The following KIRREL3 variants were observed in gnomAD, a reference collection of about 807,000 sequenced individuals.
KIRREL3 encodes kin of IRRE-like protein 3.
KIRREL3 carries 36 observed loss-of-function variants against 89.7 expected under a neutral mutation model. That is an observed-to-expected ratio of 0.40 (90% CI 0.31 to 0.53). KIRREL3 has a LOEUF of 0.53. KIRREL3 is among the 20% of genes least tolerant of loss of function. The probability of loss-of-function intolerance (pLI) is 0.49; values close to 1 mark genes in which losing one functional copy is unlikely to be tolerated. For synonymous variants in KIRREL3, 445 were observed against 441.4 expected, an observed-to-expected ratio of 1.01 and a Z score of -0.10; for missense variants, 864 against 1,056.6, an observed-to-expected ratio of 0.82 and a Z score of 2.53.
chr11:126,629,166 G>T, intron 1 of KIRREL3, among the ~76,000 whole-genome samples: 1 of 152,162 alleles, frequency 6.6e-6, no homozygotes, highest in Non-Finnish European at 1.5e-5. Flanking sequence ...TATTTCCCTT[G>T]ATTTAGTTGC....
At position 126,797,395 on chromosome 11, in the gene KIRREL3, C is replaced by T. The variant is rs1224870499; in HGVS notation, c.55+203060G>A. On this transcript the variant is annotated intron_variant, in intron 1 of 16. Coordinates refer to ENST00000525144, the MANE Select transcript of KIRREL3 (RefSeq NM_032531.4). This position sits in a 1 kb window ranked among gnomAD's most constrained non-coding sequence, Gnocchi z 4.9. ...CACTGGATGCTGATAGTTTTGGTGG[C>T]GCGGCTGTTATTGGTTGGAAGAATC... 1.3e-5 allele frequency among the ~76,000 whole-genome samples: 2 copies of T among 152,066 alleles called. No homozygotes were observed. The highest frequency in any genetic ancestry group is 4.8e-5 in the African/African-American group (2 of 41,400).
At position 126,797,518 on chromosome 11, in the gene KIRREL3, G is replaced by A. The variant is rs756127993; in HGVS notation, c.55+202937C>T. Among the ~76,000 whole-genome samples, 1 of 152,096 alleles carries A rather than the reference G, an allele frequency of 6.6e-6. No homozygotes were observed. Among genetic ancestry groups the A allele is most frequent in the Non-Finnish European group, 1.5e-5 (1 of 68,006 alleles). ...ACTGTCCACACCCTTCTCCCATGGT[G>A]ATCCCCAGAAGAAGCTCTGAGGGGG... On this transcript the variant is annotated intron_variant, in intron 1 of 16. Coordinates refer to ENST00000525144, the MANE Select transcript of KIRREL3 (RefSeq NM_032531.4). This position sits in a 1 kb window ranked among gnomAD's most constrained non-coding sequence, Gnocchi z 4.9.
chr11:126,445,794 C>T lies in KIRREL3; in HGVS notation c.1126-689G>A, dbSNP rs181383814. 4.9e-4 allele frequency among the ~76,000 whole-genome samples: 74 copies of T among 152,280 alleles called. 1 individual carries two copies. The highest frequency in any genetic ancestry group is 1.7e-3 in the Admixed American group (26 of 15,292). ...TTCCCTACCTGGAGCTCTCCCTGTT[C>T]CTTCCTATGTGAGGACATCTGACAA... is the stretch of plus-strand genomic sequence containing the variant. On this transcript the variant is annotated intron_variant, in intron 9 of 16. Transcript: ENST00000525144.
upstream of KIRREL3, chr11:127,000,940 A>G (rs1183810036): frequency 2.9e-6 from 1 of 340,224 alleles, no homozygotes; most frequent in African/African-American, 2.1e-5. The surrounding 1 kb of genome is among the most constrained non-coding windows in gnomAD (Gnocchi z 7.1). Flanking sequence ...AAGGAGATCT[A>G]TGCAAAACGG....
At chr11:126,809,303 C>A (rs368317928) in intron 1 of KIRREL3, among the ~76,000 whole-genome samples, 12 of 152,112 alleles carry the variant, frequency 7.9e-5, no homozygotes, top group African/African-American at 2.7e-4. Flanking sequence ...CGTTATAAAG[C>A]CATAGGTCTT....
chr11:126,728,903 A>T (rs542431719), intron 1 of KIRREL3, among the ~76,000 whole-genome samples: 4 of 143,832 alleles, frequency 2.8e-5, no homozygotes, highest in Non-Finnish European at 6.1e-5. Flanking sequence ...TCAAGGTGCC[A>T]TGTGTAATCA....
rs371735784 is a variant in KIRREL3, at chr11:126,926,676, G to A, written c.55+73779C>T. On this transcript the variant is annotated intron_variant, in intron 1 of 16. Transcript: ENST00000525144. ...ACCTGGCATGAGCTTGAAAGGAACT[G>A]CAAATCTCCTATGAGCATTTCCCCC... 5.5e-4 allele frequency among the ~76,000 whole-genome samples: 84 copies of A among 152,314 alleles called. 1 individual carries two copies. In the East Asian group the frequency reaches 9.1e-3, roughly 16 times the overall value.
chr11:126,451,468 ATGT>A (rs375746882), intron 7 of KIRREL3, among the ~76,000 whole-genome samples: 1,808 of 107,386 alleles, frequency 0.017, 38 homozygotes, highest in African/African-American at 0.064. Flanking sequence ...ATGTGTGGGC[ATGT>A]GCATGTGTGT....
chr11:126,871,846 G>T (rs914559214), intron 1 of KIRREL3, among the ~76,000 whole-genome samples: 3 of 152,188 alleles, frequency 2.0e-5, no homozygotes, highest in Non-Finnish European at 4.4e-5. Context: ...GAACACTGAA[G>T]ACACCAGTGA....
In KIRREL3 at chr11:126,501,181, A is replaced by G. The variant is rs1217535726; in HGVS notation, c.433+20134T>C. Among the ~76,000 whole-genome samples, 1 of 152,198 alleles carries G rather than the reference A, an allele frequency of 6.6e-6. No homozygotes were observed. Among genetic ancestry groups the G allele is most frequent in the African/African-American group, 2.4e-5 (1 of 41,434 alleles). On this transcript the variant is annotated intron_variant, in intron 4 of 16. Transcript: ENST00000525144. This position sits in a 1 kb window ranked among gnomAD's most constrained non-coding sequence, Gnocchi z 5.8. ...TGGTCCGTCCCACACTTTTCTCTGCACGTCTGAGGAGTCCAGGAGGACTGG... is the reference window on the plus strand; with the variant it reads ...TGGTCCGTCCCACACTTTTCTCTGCGCGTCTGAGGAGTCCAGGAGGACTGG...
intron 1 of KIRREL3, among the ~76,000 whole-genome samples, chr11:126,849,672 A>C (rs2134557826): frequency 6.6e-6 from 1 of 152,298 alleles, no homozygotes; most frequent in South Asian, 2.1e-4. Flanking sequence ...ATTTGACTAA[A>C]GGGCGGTGGG....
chr11:126,799,911 C>T (rs1404223553), intron 1 of KIRREL3, among the ~76,000 whole-genome samples: 1 of 152,144 alleles, frequency 6.6e-6, no homozygotes, highest in Non-Finnish European at 1.5e-5. Context: ...GATGCTGGGA[C>T]TCAGGGAAGG....
At position 126,454,738 on chromosome 11, in the gene KIRREL3, C is replaced by T. The variant is rs760539501; in HGVS notation, c.848+1611G>A. Among the ~76,000 whole-genome samples the T allele has an allele frequency of 2.8e-4, 43 of 152,250 alleles. No individual in the cohort carries two copies. The highest frequency in any genetic ancestry group is 6.2e-4 in the South Asian group (3 of 4,826). ...CCAGACCACAGCCAAACCAGACTTG[C>T]CCCCTGGACCTGGCTGGACCCACAT... On this transcript the variant is annotated intron_variant, in intron 7 of 16. Transcript: ENST00000525144. The surrounding 1 kb of genome is among the most constrained non-coding windows in gnomAD (Gnocchi z 5.8).
chr11:126,809,729 A>G (rs911222455), intron 1 of KIRREL3, among the ~76,000 whole-genome samples: 1 of 152,166 alleles, frequency 6.6e-6, no homozygotes, highest in Non-Finnish European at 1.5e-5. Flanking sequence ...GGGCTTTGCT[A>G]TCATCCCTGC....
chr11:126,759,349 C>T (rs540628229), intron 1 of KIRREL3, among the ~76,000 whole-genome samples: 15 of 152,262 alleles, frequency 9.9e-5, no homozygotes, highest in African/African-American at 1.9e-4. Flanking sequence ...AGGTTGGTCT[C>T]GAACTCCTGA....
At chr11:126,461,735 C>T (rs1201090911) in intron 6 of KIRREL3, among the ~76,000 whole-genome samples, 1 of 152,140 alleles carries the variant, frequency 6.6e-6, no homozygotes, top group Non-Finnish European at 1.5e-5. Flanking sequence ...CTCTCAGAAC[C>T]TTAAGACCTG....
intron 1 of KIRREL3, among the ~76,000 whole-genome samples, chr11:126,809,626 C>T (rs941668774): frequency 2.6e-5 from 4 of 152,208 alleles, no homozygotes; most frequent in African/African-American, 4.8e-5. Flanking sequence ...TTAATTCAAT[C>T]GCTGTATGCT....
At position 126,528,368 on chromosome 11, in the gene KIRREL3, C is replaced by T. The variant is rs1244842709; in HGVS notation, c.134-1681G>A. On this transcript the variant is annotated intron_variant, in intron 2 of 16. Coordinates refer to ENST00000525144, the MANE Select transcript of KIRREL3 (RefSeq NM_032531.4). This position sits in a 1 kb window ranked among gnomAD's most constrained non-coding sequence, Gnocchi z 4.6. ...AACAGATGACCCCAAGAGGGAGACA[C>T]TTGGTGTGTATCAACCCAGGGGAGC... Among the ~76,000 whole-genome samples, 1 of 152,188 alleles carries T rather than the reference C, an allele frequency of 6.6e-6. No individual in the cohort carries two copies. Among genetic ancestry groups the T allele is most frequent in the East Asian group, 1.9e-4 (1 of 5,180 alleles).
At chr11:126,855,273 T>C (rs894857981) in intron 1 of KIRREL3, among the ~76,000 whole-genome samples, 1 of 152,242 alleles carries the variant, frequency 6.6e-6, no homozygotes, top group Non-Finnish European at 1.5e-5. Flanking sequence ...CCTTGCGTTC[T>C]TGCGATAGTA....
Sources: allele counts gnomAD v4.1 joint callset (sites outside exome capture counted in the v4.1 genomes callset), GRCh38; gene constraint gnomAD v4.1.1; non-coding constraint Gnocchi (gnomAD v3.1); transcripts MANE v1.5; gene names NCBI Gene and HGNC (gene_info 2026-07-23, HGNC 2026-07-21).